The following FAM174A variants were observed in gnomAD, a reference collection of about 807,000 sequenced individuals.
FAM174A encodes membrane protein FAM174A.
In FAM174A, 14 loss-of-function variants were observed where a neutral mutation model predicts 14.3. The observed-to-expected ratio is 0.98, with a 90% confidence interval of 0.65 to 1.53. FAM174A has a LOEUF of 1.53. FAM174A is among the 40% of genes most tolerant of loss of function. The pLI is 0.00. For synonymous variants in FAM174A, 108 were observed against 111.4 expected (o/e 0.97, Z 0.19); for missense variants, 241 against 249.6 (o/e 0.97, Z 0.23).
chr5:100,574,190 AT>A (rs34951975), intron 2 of FAM174A, among the ~76,000 whole-genome samples: 86,457 of 151,830 alleles, frequency 0.57, 27,118 homozygotes, highest in African/African-American at 0.82. Context: ...ATTTATTTTT[AT>A]TTTTTTTATT....
chr5:100,575,835 C>A (rs982874127), intron 2 of FAM174A, among the ~76,000 whole-genome samples: 3 of 152,092 alleles, frequency 2.0e-5, no homozygotes, highest in Non-Finnish European at 4.4e-5. Flanking sequence ...AACAAATTTA[C>A]AAGAAAAAAC....
At chr5:100,558,456 G>A (rs968214409) in intron 1 of FAM174A, among the ~76,000 whole-genome samples, 14 of 152,206 alleles carry the variant, frequency 9.2e-5, no homozygotes, top group Admixed American at 3.3e-4. Context: ...TATTAGGTCC[G>A]CCTGGTGCAG....
At chr5:100,542,202 A>T (rs1746070053) in intron 1 of FAM174A, among the ~76,000 whole-genome samples, 1 of 152,186 alleles carries the variant, frequency 6.6e-6, no homozygotes. Context: ...GCCACCTCTA[A>T]GCTGTTAATT....
intron 1 of FAM174A, among the ~76,000 whole-genome samples, chr5:100,555,646 T>C (rs1580368384): frequency 6.6e-6 from 1 of 152,174 alleles, no homozygotes; most frequent in Non-Finnish European, 1.5e-5. Context: ...TGGTATCTCA[T>C]TGTGGTTTTG....
At chr5:100,557,154 C>T (rs1018109383) in intron 1 of FAM174A, among the ~76,000 whole-genome samples, 7 of 152,184 alleles carry the variant, frequency 4.6e-5, no homozygotes, top group Middle Eastern at 3.4e-3. Flanking sequence ...CAGCATGAAG[C>T]GTTGTTGAAT....
intron 1 of FAM174A, among the ~76,000 whole-genome samples, chr5:100,539,704 C>T (rs1371503800): frequency 6.6e-6 from 1 of 152,204 alleles, no homozygotes; most frequent in Non-Finnish European, 1.5e-5. Flanking sequence ...AAACCCAGCT[C>T]TGCTGGAACT....
chr5:100,575,932 G>A (rs79660555), intron 2 of FAM174A, among the ~76,000 whole-genome samples: 9,121 of 152,158 alleles, frequency 0.06, 337 homozygotes, highest in African/African-American at 0.097. Context: ...TCCCTTACTG[G>A]TGCTGTCTTC....
Position 100,537,355 on chromosome 5 carries a change from C to T in FAM174A, c.434+1391C>T, listed in dbSNP as rs115442085. On this transcript the variant is annotated intron_variant, in intron 1 of 2. Transcript: ENST00000312637. ...AAGAATCTAAATGTCATTCTTTTTACGTTTTTTTCTTTTTTGAAAATATAG... is the reference window on the plus strand; with the variant it reads ...AAGAATCTAAATGTCATTCTTTTTATGTTTTTTTCTTTTTTGAAAATATAG... Among the ~76,000 whole-genome samples, 981 of 152,042 alleles carry T rather than the reference C, an allele frequency of 6.5e-3. 16 individuals are homozygous for T. Among genetic ancestry groups the T allele is most frequent in the African/African-American group, 0.023 (941 of 41,482 alleles).
intron 2 of FAM174A, among the ~76,000 whole-genome samples, chr5:100,573,429 A>G (rs1017443763): frequency 6.6e-6 from 1 of 151,994 alleles, no homozygotes; most frequent in Non-Finnish European, 1.5e-5. Context: ...TGATTTTTGT[A>G]TAAGGTGTAA....
At chr5:100,553,640 T>C (rs531239224) in intron 1 of FAM174A, among the ~76,000 whole-genome samples, 13 of 152,250 alleles carry the variant, frequency 8.5e-5, no homozygotes, top group African/African-American at 3.1e-4. Flanking sequence ...ACCCATTTAT[T>C]TGATGCCTAA....
At chr5:100,563,071 T>C (rs1459168504) in intron 2 of FAM174A, among the ~76,000 whole-genome samples, 2 of 151,864 alleles carry the variant, frequency 1.3e-5, no homozygotes, top group Middle Eastern at 3.2e-3. Flanking sequence ...TATATTTATA[T>C]CTATATATGT....
At chr5:100,550,249 ATATATT>A (rs1464071187) in intron 1 of FAM174A, among the ~76,000 whole-genome samples, 13 of 152,166 alleles carry the variant, frequency 8.5e-5, no homozygotes, top group Non-Finnish European at 1.5e-4. Context: ...TACATGTTTA[ATATATT>A]TAAATATTCC....
intron 2 of FAM174A, among the ~76,000 whole-genome samples, chr5:100,564,976 A>AT (rs1384353392): frequency 6.6e-6 from 1 of 151,940 alleles, no homozygotes. Context: ...TCCTTCTCAA[A>AT]TTATTCTGAC....
At chr5:100,576,421 G>T (rs1412233524) in intron 2 of FAM174A, among the ~76,000 whole-genome samples, 1 of 152,102 alleles carries the variant, frequency 6.6e-6, no homozygotes, top group Non-Finnish European at 1.5e-5. Context: ...ATTGCAACCA[G>T]ATGGTAACTT....
chr5:100,577,640 A>G (rs1306057585), intron 2 of FAM174A, among the ~76,000 whole-genome samples: 1 of 152,126 alleles, frequency 6.6e-6, no homozygotes, highest in African/African-American at 2.4e-5. Flanking sequence ...TGGGTATAAC[A>G]TAGTATCAGA....
intron 1 of FAM174A, among the ~76,000 whole-genome samples, chr5:100,553,400 T>C (rs961607727): frequency 2.6e-5 from 4 of 152,150 alleles, no homozygotes; most frequent in Admixed American, 6.5e-5. Flanking sequence ...TCACCCCATA[T>C]AGTAATACAG....
chr5:100,566,395 G>A (rs576882573), intron 2 of FAM174A, among the ~76,000 whole-genome samples: 4 of 151,438 alleles, frequency 2.6e-5, no homozygotes, highest in Non-Finnish European at 5.9e-5. Flanking sequence ...GTTAACAGGG[G>A]CTGCAGAGAA....
At chr5:100,540,935 C>G (rs1435585296) in intron 1 of FAM174A, among the ~76,000 whole-genome samples, 1 of 152,168 alleles carries the variant, frequency 6.6e-6, no homozygotes, top group Non-Finnish European at 1.5e-5. Context: ...CTGATACTAT[C>G]CACCTTAGAC....
At chr5:100,540,999 C>G (rs1347708939) in intron 1 of FAM174A, among the ~76,000 whole-genome samples, 1 of 152,112 alleles carries the variant, frequency 6.6e-6, no homozygotes, top group African/African-American at 2.4e-5. Context: ...ACATCAATAG[C>G]CATTTGCTTG....
Sources: gnomAD v4.1 joint callset for allele counts (sites outside exome capture counted in the v4.1 genomes callset) on GRCh38, gnomAD v4.1.1 for gene constraint, MANE v1.5 for transcripts, NCBI Gene and HGNC (gene_info 2026-07-23, HGNC 2026-07-21) for gene names.